Variants in GALNT13 observed in about 807,000 individuals in gnomAD.
GALNT13 encodes the protein UDP-GalNAc:polypeptide N-acetylgalactosaminyltransferase 13.
A neutral mutation model predicts 64.2 loss-of-function variants in GALNT13; 28 were observed. The ratio of observed to expected loss-of-function variants is 0.44; its 90% confidence interval spans 0.32 to 0.60. The LOEUF is 0.60. GALNT13 is among the 20% of genes least tolerant of loss of function. The probability of loss-of-function intolerance (pLI) is 0.05; values close to 1 mark genes in which losing one functional copy is unlikely to be tolerated. For synonymous variants in GALNT13, 214 were observed against 224.6 expected, an observed-to-expected ratio of 0.95 and a Z score of 0.42; for missense variants, 577 against 669.8, an observed-to-expected ratio of 0.86 and a Z score of 1.53.
At chr2:154,329,839 C>G (rs928737611) in intron 9 of GALNT13, among the ~76,000 whole-genome samples, 8 of 152,010 alleles carry the variant, frequency 5.3e-5, no homozygotes, top group African/African-American at 1.9e-4. Context: ...TCTCTCTCTC[C>G]TGTGATCTCT....
At chr2:153,763,236 T>C in the GALNT13 span, among the ~76,000 whole-genome samples, 3 of 152,172 alleles carry the variant, frequency 2.0e-5, no homozygotes, top group Admixed American at 6.5e-5. Context: ...TGCTTTTGTA[T>C]GTTCAAGTTA....
the GALNT13 span, among the ~76,000 whole-genome samples, chr2:153,833,870 C>G: frequency 6.6e-6 from 1 of 152,022 alleles, no homozygotes; most frequent in African/African-American, 2.4e-5. Context: ...ATGGTGGTAG[C>G]TTGGGGATTC....
intron 4 of GALNT13, among the ~76,000 whole-genome samples, chr2:154,216,959 T>A (rs1028948116): frequency 6.6e-6 from 1 of 151,368 alleles, no homozygotes; most frequent in Non-Finnish European, 1.5e-5. Context: ...AAGCTATTTT[T>A]TTTTTTTTAT....
At chr2:154,142,901 A>G (rs1417298823) in intron 4 of GALNT13, among the ~76,000 whole-genome samples, 1 of 152,148 alleles carries the variant, frequency 6.6e-6, no homozygotes, top group Non-Finnish European at 1.5e-5. Flanking sequence ...ATAAGCATAT[A>G]CAAAAAATAT....
At chr2:153,577,192 A>G in the GALNT13 span, among the ~76,000 whole-genome samples, 26 of 152,312 alleles carry the variant, frequency 1.7e-4, no homozygotes, top group African/African-American at 6.0e-4. Flanking sequence ...TTTCAAAAGA[A>G]TGAAATGTTT....
chr2:153,123,687 A>G, the GALNT13 span, among the ~76,000 whole-genome samples: 3 of 152,186 alleles, frequency 2.0e-5, no homozygotes, highest in Non-Finnish European at 4.4e-5. Flanking sequence ...ACTAAATTTC[A>G]TTTCATCCGA....
chr2:153,332,532 TTG>T, the GALNT13 span, among the ~76,000 whole-genome samples: 32 of 88,294 alleles, frequency 3.6e-4, no homozygotes, highest in African/African-American at 1.2e-3. Context: ...CCTGAGAGTA[TTG>T]TTTTTTTTTT....
the GALNT13 span, among the ~76,000 whole-genome samples, chr2:153,416,606 A>C: frequency 6.6e-6 from 1 of 152,170 alleles, no homozygotes; most frequent in African/African-American, 2.4e-5. Flanking sequence ...GCTGATTACC[A>C]TTCTGTTTAT....
intron 8 of GALNT13, among the ~76,000 whole-genome samples, chr2:154,262,437 T>C (rs1046017797): frequency 1.3e-5 from 2 of 152,216 alleles, no homozygotes; most frequent in African/African-American, 4.8e-5. Flanking sequence ...TAGCCTCTAA[T>C]GGAAGATAAT....
the GALNT13 span, among the ~76,000 whole-genome samples, chr2:153,836,590 G>T: frequency 2.0e-5 from 3 of 151,268 alleles, no homozygotes; most frequent in Non-Finnish European, 4.4e-5. Flanking sequence ...CATGTGCCAT[G>T]CTGGTGTGCT....
At chr2:153,621,473 T>C in the GALNT13 span, among the ~76,000 whole-genome samples, 1 of 152,142 alleles carries the variant, frequency 6.6e-6, no homozygotes, top group Non-Finnish European at 1.5e-5. Flanking sequence ...TTCACTCAAG[T>C]AACTGGAACT....
the GALNT13 span, among the ~76,000 whole-genome samples, chr2:153,854,532 G>A: frequency 2.6e-5 from 4 of 152,024 alleles, no homozygotes; most frequent in East Asian, 7.7e-4. Context: ...AGTGAGCTGA[G>A]ATCGCACCAT....
rs1686004053 is a variant in GALNT13, at chr2:153,872,286, C to A, written c.-194C>A. On this transcript the variant is annotated 5_prime_UTR_variant, in exon 1 of 13. Transcript: ENST00000392825. ...GACCGCCGTTCCCTCTTCGCGGGAT[C>A]GTTGGCCAGGATAGCAGGTCTCCGT... The A allele has an allele frequency of 1.3e-5, 2 of 152,216 alleles. No homozygotes were observed. The highest frequency in any genetic ancestry group is 1.3e-4 in the Admixed American group (2 of 15,258). The allele number at this position is 152,216 out of a possible 1,614,324, so 9.4% of individuals were successfully genotyped here.
the GALNT13 span, among the ~76,000 whole-genome samples, chr2:153,719,872 C>T: frequency 7.9e-5 from 12 of 151,938 alleles, no homozygotes; most frequent in African/African-American, 2.4e-4. Flanking sequence ...AAGGCGGCAG[C>T]GAGGCTGGGG....
the GALNT13 span, among the ~76,000 whole-genome samples, chr2:153,796,717 T>C: frequency 1.3e-5 from 2 of 152,168 alleles, no homozygotes; most frequent in African/African-American, 4.8e-5. Flanking sequence ...AAAGTACATA[T>C]CCATAGAAGT....
chr2:154,187,247 T>C (rs1487397491), intron 4 of GALNT13, among the ~76,000 whole-genome samples: 1 of 152,100 alleles, frequency 6.6e-6, no homozygotes, highest in African/African-American at 2.4e-5. Flanking sequence ...TAAAATGTTT[T>C]AGACACATAA....
chr2:153,987,122 G>T (rs530692022), intron 3 of GALNT13, among the ~76,000 whole-genome samples: 2 of 152,060 alleles, frequency 1.3e-5, no homozygotes, highest in Non-Finnish European at 2.9e-5. Context: ...ACAATAATAT[G>T]TCTTGGTATT....
the GALNT13 span, among the ~76,000 whole-genome samples, chr2:153,822,927 T>G: frequency 6.6e-6 from 1 of 152,216 alleles, no homozygotes. Flanking sequence ...GTAAATTTTC[T>G]GATTACAAAA....
the GALNT13 span, among the ~76,000 whole-genome samples, chr2:153,550,613 C>T: frequency 6.6e-6 from 1 of 152,172 alleles, no homozygotes; most frequent in Non-Finnish European, 1.5e-5. Context: ...CACTGTTCAT[C>T]ACTATTGCTA....
Sources: allele counts gnomAD v4.1 joint callset (sites outside exome capture counted in the v4.1 genomes callset), GRCh38; gene constraint gnomAD v4.1.1; transcripts MANE v1.5; gene names NCBI Gene and HGNC (gene_info 2026-07-23, HGNC 2026-07-21).